WWOX: variants seen among roughly 807,000 people sequenced by gnomAD.
WWOX encodes the protein WW domain-containing oxidoreductase.
In WWOX, 69 loss-of-function variants were observed where a neutral mutation model predicts 46.2. The observed-to-expected ratio is 1.49, with a 90% CI of 1.23 to 1.82. The LOEUF (loss-of-function observed/expected upper bound fraction) is 1.82, where lower values mean the gene tolerates loss of function less well. Ranked by LOEUF, WWOX falls within the 40% of genes most tolerant of loss-of-function variation. The probability of loss-of-function intolerance (pLI) is 0.00; values close to 1 mark genes in which losing one functional copy is unlikely to be tolerated. For missense variants in WWOX, 919 were observed against 542.6 expected (o/e 1.69, Z -6.89); for synonymous variants, 359 against 202.6 (o/e 1.77, Z -6.56).
chr16:78,333,556 C>G (rs1032903885), intron 5 of WWOX, among the ~76,000 whole-genome samples: 3 of 152,040 alleles, frequency 2.0e-5, no homozygotes, highest in African/African-American at 7.2e-5. Flanking sequence ...ATCAGTATAT[C>G]ATATTTATAG....
chr16:78,192,570 C>T (rs1361830905), intron 5 of WWOX, among the ~76,000 whole-genome samples: 4 of 150,414 alleles, frequency 2.7e-5, no homozygotes, highest in Non-Finnish European at 5.9e-5. Context: ...AATACGTGAA[C>T]ATATGTGGCA....
intron 5 of WWOX, among the ~76,000 whole-genome samples, chr16:78,325,634 G>T (rs181689983): frequency 1.3e-5 from 2 of 152,138 alleles, no homozygotes; most frequent in Admixed American, 1.3e-4. Flanking sequence ...AGGTCAACCC[G>T]GCCTTCTCCG....
At chr16:78,689,917 G>C (rs1399958233) in intron 8 of WWOX, among the ~76,000 whole-genome samples, 1 of 152,076 alleles carries the variant, frequency 6.6e-6, no homozygotes, top group Non-Finnish European at 1.5e-5. Flanking sequence ...CTGCAGTGCA[G>C]TGATGCAATC....
chr16:78,414,606 T>A (rs778172897), intron 6 of WWOX, among the ~76,000 whole-genome samples: 5 of 152,110 alleles, frequency 3.3e-5, no homozygotes, highest in African/African-American at 7.2e-5. Flanking sequence ...TGAAAAGACA[T>A]CTCAAAAGCC....
intron 8 of WWOX, among the ~76,000 whole-genome samples, chr16:78,711,887 G>A (rs926922715): frequency 1.3e-5 from 2 of 152,022 alleles, no homozygotes; most frequent in Non-Finnish European, 2.9e-5. Flanking sequence ...CAGTGCACGC[G>A]CCATCTAAAT....
chr16:78,752,250 A>C (rs896364696), intron 8 of WWOX, among the ~76,000 whole-genome samples: 1 of 152,220 alleles, frequency 6.6e-6, no homozygotes, highest in Non-Finnish European at 1.5e-5. Context: ...TTTGTCTGTC[A>C]GTGTTAGAGA....
At chr16:78,102,432 G>C (rs550891950) in intron 1 of WWOX, among the ~76,000 whole-genome samples, 2 of 152,198 alleles carry the variant, frequency 1.3e-5, no homozygotes, top group African/African-American at 4.8e-5. Context: ...GCCAGAGAGT[G>C]GCATTCATTC....
chr16:78,382,109 GT>G (rs2081967707), intron 5 of WWOX, among the ~76,000 whole-genome samples: 1 of 152,154 alleles, frequency 6.6e-6, no homozygotes, highest in Non-Finnish European at 1.5e-5. Flanking sequence ...TGAAGTAGGA[GT>G]TGGCCTGAAA....
intron 1 of WWOX, among the ~76,000 whole-genome samples, chr16:78,107,214 T>A (rs921740628): frequency 6.6e-6 from 1 of 152,222 alleles, no homozygotes. Flanking sequence ...CGAATACCTC[T>A]TGTAGCACCT....
At chr16:78,888,331 C>T (rs537356216) in intron 8 of WWOX, among the ~76,000 whole-genome samples, 2 of 152,318 alleles carry the variant, frequency 1.3e-5, no homozygotes, top group South Asian at 2.1e-4. Context: ...TTTGTTGTTT[C>T]CTTCTCAGAA....
chr16:79,104,613 A>T (rs907000935), intron 8 of WWOX, among the ~76,000 whole-genome samples: 1 of 152,192 alleles, frequency 6.6e-6, no homozygotes, highest in African/African-American at 2.4e-5. Context: ...AGGCAGATAG[A>T]TGCACATATG....
At chr16:78,149,105 C>A (rs577500315) in intron 4 of WWOX, among the ~76,000 whole-genome samples, 2 of 151,992 alleles carry the variant, frequency 1.3e-5, no homozygotes, top group East Asian at 3.9e-4. Flanking sequence ...GATCCTCCTG[C>A]CTTGGCCTCC....
intron 5 of WWOX, among the ~76,000 whole-genome samples, chr16:78,172,486 C>T (rs1170343678): frequency 6.6e-6 from 1 of 152,048 alleles, no homozygotes. Flanking sequence ...GTGCTTGGTA[C>T]TTATCCTCTA....
chr16:78,722,606 G>T (rs900311702), intron 8 of WWOX, among the ~76,000 whole-genome samples: 3 of 151,842 alleles, frequency 2.0e-5, no homozygotes, highest in Non-Finnish European at 4.4e-5. Flanking sequence ...GACTATGTGA[G>T]CTTATCCCCT....
At chr16:78,144,209 G>A (rs1306404388) in intron 4 of WWOX, among the ~76,000 whole-genome samples, 1 of 151,530 alleles carries the variant, frequency 6.6e-6, no homozygotes, top group Non-Finnish European at 1.5e-5. Context: ...TTCGGTAGTG[G>A]CTGGGGCACT....
At chr16:78,978,726 A>G (rs981053037) in intron 8 of WWOX, among the ~76,000 whole-genome samples, 3 of 152,092 alleles carry the variant, frequency 2.0e-5, no homozygotes, top group Admixed American at 1.3e-4. Context: ...GGCGCTACAC[A>G]CTTTTCAACC....
Position 78,955,243 on chromosome 16 carries a change from G to T in WWOX, c.1057-256365G>T, listed in dbSNP as rs561932775. Among the ~76,000 whole-genome samples the T allele has an allele frequency of 1.2e-4, 18 of 152,292 alleles. No individual in the cohort carries two copies. In the East Asian group the frequency reaches 2.1e-3, roughly 18 times the overall value. The stretch of plus-strand genomic sequence containing the variant: ...AATGTGGGTGCTCAAATGATGTTCA[G>T]TGCATCTTCACAGATGGACCTCCAC... On this transcript the variant is annotated intron_variant, in intron 8 of 8. Coordinates refer to ENST00000566780, the MANE Select transcript of WWOX (RefSeq NM_016373.4).
At chr16:78,230,823 G>A (rs75510898) in intron 5 of WWOX, among the ~76,000 whole-genome samples, 12,692 of 152,262 alleles carry the variant, frequency 0.083, 708 homozygotes, top group Middle Eastern at 0.12. Flanking sequence ...ATCACAATAT[G>A]TGTTCTCACA....
At chr16:78,507,403 T>G (rs559541810) in intron 8 of WWOX, among the ~76,000 whole-genome samples, 23 of 152,286 alleles carry the variant, frequency 1.5e-4, no homozygotes, top group African/African-American at 5.5e-4. Flanking sequence ...TGCTGAGAAG[T>G]GATAGAATAT....
Sources: allele counts gnomAD v4.1 joint callset (sites outside exome capture counted in the v4.1 genomes callset), GRCh38; gene constraint gnomAD v4.1.1; transcripts MANE v1.5; gene names NCBI Gene and HGNC (gene_info 2026-07-23, HGNC 2026-07-21).